Variants in PLEKHB2 observed in about 807,000 individuals in gnomAD.
PLEKHB2 encodes the protein pleckstrin homology domain-containing family B member 2.
Under a neutral mutation model 36.5 loss-of-function variants are expected in PLEKHB2, and 31 were observed. The ratio of observed to expected loss-of-function variants is 0.85; its 90% CI spans 0.64 to 1.15. The LOEUF (loss-of-function observed/expected upper bound fraction) is 1.15. Among genes scored for constraint, PLEKHB2 ranks in the 50% most tolerant of loss-of-function variants. The pLI is 0.00. For missense variants in PLEKHB2, 262 were observed against 295.3 expected (o/e 0.89, Z 0.83); for synonymous variants, 119 against 112.0 (o/e 1.06, Z -0.39).
chr2:131,107,097 A>G (rs770219882), intron 1 of PLEKHB2, among the ~76,000 whole-genome samples: 21 of 152,146 alleles, frequency 1.4e-4, no homozygotes, highest in Non-Finnish European at 3.1e-4. Context: ...AGCTTGCATT[A>G]ATATTTTTGT....
intron 1 of PLEKHB2, among the ~76,000 whole-genome samples, chr2:131,114,056 A>G (rs1392401583): frequency 6.6e-6 from 1 of 151,524 alleles, no homozygotes; most frequent in Non-Finnish European, 1.5e-5. Flanking sequence ...TTTGTCTTAG[A>G]ACTTTCAAAA....
chr2:131,139,982 C>T (rs1698617574), intron 6 of PLEKHB2, among the ~76,000 whole-genome samples, 185 bp from the exon 7 acceptor site: 1 of 152,116 alleles, frequency 6.6e-6, no homozygotes, highest in East Asian at 1.9e-4. Flanking sequence ...AAGTGGACTC[C>T]AATTGTAGCT....
intron 6 of PLEKHB2, among the ~76,000 whole-genome samples, chr2:131,134,157 C>T (rs1698002760): frequency 6.6e-6 from 1 of 152,062 alleles, no homozygotes; most frequent in Non-Finnish European, 1.5e-5. Flanking sequence ...CCTCGGCCTC[C>T]CAAAGTGCTG....
At chr2:131,106,109 A>T (rs753678183) in intron 1 of PLEKHB2, among the ~76,000 whole-genome samples, 9 of 151,274 alleles carry the variant, frequency 5.9e-5, no homozygotes, top group South Asian at 2.1e-4. Flanking sequence ...TAGATTGAAA[A>T]CTCCGGAGGT....
chr2:131,111,929 G>A (rs1448932756), intron 1 of PLEKHB2, among the ~76,000 whole-genome samples: 1 of 152,040 alleles, frequency 6.6e-6, no homozygotes, highest in Non-Finnish European at 1.5e-5. Context: ...TTGTGGTACT[G>A]TGAAATGTTT....
At chr2:131,123,013 G>C (rs372386890) in intron 2 of PLEKHB2, among the ~76,000 whole-genome samples, 8 of 152,286 alleles carry the variant, frequency 5.3e-5, no homozygotes, top group African/African-American at 1.7e-4. Context: ...ACCACAACTT[G>C]AAGTAAGTGC....
At chr2:131,139,530 C>T (rs1299785375) in intron 6 of PLEKHB2, among the ~76,000 whole-genome samples, 1 of 152,212 alleles carries the variant, frequency 6.6e-6, no homozygotes, top group Non-Finnish European at 1.5e-5. Flanking sequence ...GATCTCCTCT[C>T]AACCTGTGAG....
At chr2:131,136,425 G>T (rs1698264813) in intron 6 of PLEKHB2, among the ~76,000 whole-genome samples, 1 of 151,368 alleles carries the variant, frequency 6.6e-6, no homozygotes, top group Admixed American at 6.6e-5. Context: ...GCCCAGGGTG[G>T]TCTTGAACTC....
chr2:131,107,793 G>A (rs569377083), intron 1 of PLEKHB2: 2 of 152,330 alleles, frequency 1.3e-5, no homozygotes, highest in Non-Finnish European at 2.9e-5. Flanking sequence ...CCCCCAAATA[G>A]CTGGGATTAC....
intron 2 of PLEKHB2, 31 bp from the exon 3 acceptor site, chr2:131,125,722 A>AAAC: frequency 6.3e-7 from 1 of 1,575,552 alleles, no homozygotes; most frequent in Non-Finnish European, 8.6e-7. Flanking sequence ...TCTAAAAAAA[A>AAAC]AAAAACAACC....
At chr2:131,142,945 T>G (rs1296900454) in intron 7 of PLEKHB2, among the ~76,000 whole-genome samples, 1 of 152,194 alleles carries the variant, frequency 6.6e-6, no homozygotes, top group East Asian at 1.9e-4. Flanking sequence ...ACTTAATGAT[T>G]TTTTGACTTT....
intron 1 of PLEKHB2, among the ~76,000 whole-genome samples, chr2:131,114,934 T>TA (rs1240390006): frequency 1.3e-5 from 2 of 152,344 alleles, no homozygotes; most frequent in East Asian, 3.9e-4. Context: ...CATTTTCAGT[T>TA]ATCTTTTCAG....
At chr2:131,121,128 G>A in intron 2 of PLEKHB2, 150 bp downstream of exon 2, 1 of 717,344 alleles carries the variant, frequency 1.4e-6, no homozygotes, top group Non-Finnish European at 2.3e-6. Context: ...CTAGATCTCT[G>A]TGAACTGTCT....
chr2:131,111,422 A>G (rs1446139056), intron 1 of PLEKHB2, among the ~76,000 whole-genome samples: 1 of 137,768 alleles, frequency 7.3e-6, no homozygotes, highest in African/African-American at 2.7e-5. Flanking sequence ...GATCTTTCCA[A>G]CTCTTGTATT....
At chr2:131,136,948 C>CTTTTTT (rs749691633) in intron 6 of PLEKHB2, among the ~76,000 whole-genome samples, 1 of 134,166 alleles carries the variant, frequency 7.5e-6, no homozygotes, top group African/African-American at 3.0e-5. Context: ...TCTTTTCTTT[C>CTTTTTT]TTTTTTTTTT....
chr2:131,145,631 G>GGCCA (rs1378269977), intron 7 of PLEKHB2, among the ~76,000 whole-genome samples: 13 of 152,126 alleles, frequency 8.5e-5, no homozygotes, highest in Admixed American at 8.5e-4. Context: ...CATCAAGCCT[G>GGCCA]GCCAGCCAGC....
intron 2 of PLEKHB2, among the ~76,000 whole-genome samples, chr2:131,121,210 T>A (rs1169451482): frequency 1.3e-5 from 2 of 152,224 alleles, no homozygotes; most frequent in African/African-American, 4.8e-5. Context: ...CCCTGCTGCT[T>A]TCGCTCTCCT....
At chr2:131,129,436 G>A (rs1356086466) in intron 4 of PLEKHB2, among the ~76,000 whole-genome samples, 1 of 151,560 alleles carries the variant, frequency 6.6e-6, no homozygotes, top group Non-Finnish European at 1.5e-5. Context: ...AAAAGGAATT[G>A]ATGAAGATAA....
At chr2:131,120,685 G>A (rs926089943) in intron 1 of PLEKHB2, 7 of 572,750 alleles carry the variant, frequency 1.2e-5, no homozygotes, top group Middle Eastern at 4.7e-4. Flanking sequence ...GTTGAGTGGT[G>A]TTAGACTCGG....
Sources: gnomAD v4.1 joint callset for allele counts (sites outside exome capture counted in the v4.1 genomes callset) on GRCh38, gnomAD v4.1.1 for gene constraint, MANE v1.5 for transcripts, NCBI Gene and HGNC (gene_info 2026-07-23, HGNC 2026-07-21) for gene names.